Variants in LMO3 observed in about 807,000 individuals in gnomAD.
The protein encoded by LMO3 is LIM domain only protein 3.
Under a neutral mutation model 15.8 loss-of-function variants are expected in LMO3, and 2 were observed. That is an observed-to-expected ratio of 0.13 (90% CI 0.05 to 0.40). LMO3 has a LOEUF of 0.40. LMO3 is among the 10% of genes least tolerant of loss of function. LMO3 has a pLI of 0.99. For missense variants in LMO3, 86 were observed against 182.2 expected, an observed-to-expected ratio of 0.47 and a Z score of 3.04; for synonymous variants, 62 against 63.8, an observed-to-expected ratio of 0.97 and a Z score of 0.13.
At chr12:16,557,398 T>C (rs2063002245) in intron 3 of LMO3, among the ~76,000 whole-genome samples, 1 of 150,570 alleles carries the variant, frequency 6.6e-6, no homozygotes, top group South Asian at 2.1e-4. Context: ...ACGTAATTCC[T>C]AGTGTTTTAG....
chr12:16,564,052 T>C (rs1181765950), intron 2 of LMO3, among the ~76,000 whole-genome samples: 1 of 152,172 alleles, frequency 6.6e-6, no homozygotes, highest in East Asian at 1.9e-4. Context: ...GGCCATACAA[T>C]ATCAGTGCAT....
intron 3 of LMO3, among the ~76,000 whole-genome samples, chr12:16,554,651 A>G (rs1375267292): frequency 6.6e-6 from 1 of 152,172 alleles, no homozygotes; most frequent in Non-Finnish European, 1.5e-5. Context: ...TAAGTCCACT[A>G]TATCTATTCA....
chr12:16,551,306 A>G lies in LMO3; in HGVS notation c.354T>C (p.Phe118=). 3 of 1,610,338 alleles carry G rather than the reference A, an allele frequency of 1.9e-6. No individual in the cohort carries two copies. Among genetic ancestry groups the G allele is most frequent in the Non-Finnish European group, 2.5e-6 (3 of 1,176,682 alleles). Residue 118 remains phenylalanine (F), a synonymous_variant, in exon 4 of 4, where the codon TTT becomes TTC. Coordinates refer to ENST00000537304, the MANE Select transcript of LMO3 (RefSeq NM_018640.5). ...CNQRFCVGDK[F]FLKNNMILCQ... is the part of the protein sequence containing the mutation. ...AAAGGATCATGTTATTCTTTAGGAA[A>G]AATTTGTCTCCAACACAAAATCTGA...
intron 1 of LMO3, chr12:16,605,436 G>GCGCC: frequency 2.7e-6 from 1 of 372,022 alleles, no homozygotes; most frequent in Non-Finnish European, 3.3e-6. Flanking sequence ...CTACCCGCCT[G>GCGCC]CCCCCCCCCC....
chr12:16,564,263 G>A (rs1346889742), intron 2 of LMO3, among the ~76,000 whole-genome samples: 2 of 152,134 alleles, frequency 1.3e-5, no homozygotes, highest in Non-Finnish European at 2.9e-5. Flanking sequence ...TAGTGAGCAT[G>A]CACAGAGAAA....
intron 2 of LMO3, among the ~76,000 whole-genome samples, chr12:16,563,066 G>A (rs977971054): frequency 6.6e-6 from 1 of 151,760 alleles, no homozygotes; most frequent in East Asian, 1.9e-4. Context: ...TCCCTGCCTC[G>A]CTGGAGGCTC....
At chr12:16,600,941 T>C in intron 1 of LMO3, 73 bp from the exon 2 acceptor site, 11 of 1,065,168 alleles carry the variant, frequency 1.0e-5, no homozygotes, top group Non-Finnish European at 1.5e-5. Context: ...ACAAGTTAAA[T>C]ATTTAATATT....
chr12:16,594,287 C>A, intron 2 of LMO3: 2 of 1,515,610 alleles, frequency 1.3e-6, no homozygotes, highest in South Asian at 2.5e-5. Flanking sequence ...TGCCATGTGT[C>A]AGCAGAAGTA....
At position 16,559,436 on chromosome 12, in the gene LMO3, T is replaced by C. The variant is rs1254453439; in HGVS notation, c.332+977A>G. ...TATGTTACAAATGAAAAACCTGAGG[T>C]CCAGAGAGGGAAGGTGTTTGTTTGG... On this transcript the variant is annotated intron_variant, in intron 3 of 3. Coordinates refer to ENST00000537304, the MANE Select transcript of LMO3 (RefSeq NM_018640.5). This position sits in a 1 kb window ranked among gnomAD's most constrained non-coding sequence, Gnocchi z 4.1. 6.7e-6 allele frequency among the ~76,000 whole-genome samples: 1 copy of C among 150,298 alleles called. No individual in the cohort carries two copies. The highest frequency in any genetic ancestry group is 1.5e-5 in the Non-Finnish European group (1 of 67,970).
chr12:16,580,365 C>T (rs1321450328), intron 2 of LMO3, among the ~76,000 whole-genome samples: 1 of 152,138 alleles, frequency 6.6e-6, no homozygotes, highest in South Asian at 2.1e-4. Context: ...TGCAACCAAC[C>T]AAATGAAGTA....
At chr12:16,605,589 T>G in intron 1 of LMO3, 1 of 674,256 alleles carries the variant, frequency 1.5e-6, no homozygotes, top group Non-Finnish European at 2.4e-6. Flanking sequence ...GGTTCATGAA[T>G]TCCAGCAAGT....
chr12:16,561,692 C>T (rs1338939735), intron 2 of LMO3, among the ~76,000 whole-genome samples: 1 of 152,148 alleles, frequency 6.6e-6, no homozygotes, highest in Non-Finnish European at 1.5e-5. Flanking sequence ...TTAAGGCATG[C>T]ATATTCATTT....
upstream of LMO3, chr12:16,608,487 C>A (rs1238584087): frequency 6.6e-6 from 1 of 152,078 alleles, no homozygotes; most frequent in African/African-American, 2.4e-5. The surrounding 1 kb of genome is among the most constrained non-coding windows in gnomAD (Gnocchi z 4.1). Context: ...ACATCATTCG[C>A]GGTAATTAGT....
chr12:16,607,708 ACT>A (rs1944044801), upstream of LMO3: 1 of 150,854 alleles, frequency 6.6e-6, no homozygotes, highest in African/African-American at 2.4e-5. Context: ...ACTACAAAAA[ACT>A]TTTTTTCTTC....
Position 16,560,417 on chromosome 12 carries a change from G to C in LMO3, c.328C>G (p.Gln110Glu). The change falls in exon 3 of 4, where the codon CAG (glutamine) becomes GAG (glutamate). Residue 110 changes from glutamine (Q) to glutamate (E), a missense_variant. Around this residue, in one of 3 missense-constraint regions of LMO3, gnomAD observed 51 missense variants for 140.3 expected, o/e 0.36. Coordinates refer to ENST00000537304, the MANE Select transcript of LMO3 (RefSeq NM_018640.5). This position sits in a 1 kb window ranked among gnomAD's most constrained non-coding sequence, Gnocchi z 5.0. ...LDCFACQLCN[Q>E]RFCVGDKFFL... ...ACCAAAAAGAGACCTGCTTACCTCT[G>C]ATTACAAAGCTGACATGCAAAGCAG... 1.2e-6 allele frequency: 2 copies of C among 1,613,268 alleles called. No homozygotes were observed. Among genetic ancestry groups the C allele is most frequent in the Non-Finnish European group, 1.7e-6 (2 of 1,179,602 alleles).
At chr12:16,574,142 A>G (rs920611297) in intron 2 of LMO3, among the ~76,000 whole-genome samples, 9 of 152,122 alleles carry the variant, frequency 5.9e-5, no homozygotes, top group Non-Finnish European at 1.3e-4. Context: ...TAAAAATGCA[A>G]CACCACCAAG....
chr12:16,608,138 GTGTGTGTGTGTGCATATGTGTGCATGCA>G (rs2137760751), upstream of LMO3: 1 of 151,724 alleles, frequency 6.6e-6, no homozygotes, highest in South Asian at 2.1e-4. The surrounding 1 kb of genome is among the most constrained non-coding windows in gnomAD (Gnocchi z 4.1). Flanking sequence ...GTATGTGTGA[GTGTGTGTGTGTGCATATGTGTGCATGCA>G]TGTGTGTGTG....
chr12:16,566,513 G>A (rs1001041827), intron 2 of LMO3, among the ~76,000 whole-genome samples: 2 of 151,842 alleles, frequency 1.3e-5, no homozygotes, highest in African/African-American at 4.8e-5. Flanking sequence ...ACATCAGACT[G>A]TACCCTAGAA....
chr12:16,578,967 T>C (rs1406636941), intron 2 of LMO3, among the ~76,000 whole-genome samples: 1 of 152,226 alleles, frequency 6.6e-6, no homozygotes, highest in Non-Finnish European at 1.5e-5. Context: ...TTTATTCTAA[T>C]GAAGTATATT....
Sources: allele counts gnomAD v4.1 joint callset (sites outside exome capture counted in the v4.1 genomes callset), GRCh38; gene constraint gnomAD v4.1.1; regional missense constraint gnomAD v4.1.1; non-coding constraint Gnocchi (gnomAD v3.1); transcripts MANE v1.5; gene names NCBI Gene and HGNC (gene_info 2026-07-23, HGNC 2026-07-21).